Variants in ROCK2 observed in about 807,000 individuals in gnomAD.
The protein encoded by ROCK2 is rho-associated protein kinase 2.
In ROCK2, 61 loss-of-function variants were observed where a neutral mutation model predicts 195.1. The ratio of observed to expected loss-of-function variants is 0.31; its 90% CI spans 0.25 to 0.39. The LOEUF (loss-of-function observed/expected upper bound fraction) is 0.39. Ranked by LOEUF, ROCK2 falls within the 10% of genes least tolerant of loss-of-function variation. The probability of loss-of-function intolerance (pLI) is 1.00; values close to 1 mark genes in which losing one functional copy is unlikely to be tolerated. For missense variants in ROCK2, 1,109 were observed against 1,637.4 expected, an observed-to-expected ratio of 0.68 and a Z score of 5.57; for synonymous variants, 504 against 545.5, an observed-to-expected ratio of 0.92 and a Z score of 1.06.
chr2:11,290,339 C>G (rs1667322166), intron 1 of ROCK2, among the ~76,000 whole-genome samples: 2 of 152,076 alleles, frequency 1.3e-5, no homozygotes. Flanking sequence ...TGGCACACCC[C>G]TGTAATCCCA....
intron 3 of ROCK2, among the ~76,000 whole-genome samples, chr2:11,276,702 A>G (rs1355130459): frequency 1.3e-5 from 2 of 152,214 alleles, no homozygotes; most frequent in African/African-American, 4.8e-5. Flanking sequence ...CATGTTCTTA[A>G]CTGATCTAAC....
Position 11,236,409 on chromosome 2 carries a change from G to A in ROCK2, c.463-447C>T, listed in dbSNP as rs544016457. 2.6e-4 allele frequency among the ~76,000 whole-genome samples: 40 copies of A among 152,090 alleles called. No individual in the cohort carries two copies. The South Asian group carries it at 7.5e-3, about 28-fold the overall frequency. ...AAAATCTAGAGATACTAGATTCAAC[G>A]GACACAAGAAGAGGGAATAAGCCCC... On this transcript the variant is annotated intron_variant, in intron 4 of 32. Coordinates refer to ENST00000315872, the MANE Select transcript of ROCK2 (RefSeq NM_004850.5).
rs755463270 is a variant in ROCK2, at chr2:11,197,218, C to T, written c.3410G>A (p.Ser1137Asn). 1.9e-6 allele frequency: 3 copies of T among 1,611,144 alleles called. No individual in the cohort carries two copies. Among genetic ancestry groups the T allele is most frequent in the Non-Finnish European group, 2.5e-6 (3 of 1,179,070 alleles). ...ATCTGCCTCAGCATCCCCTGGTCCACTGCCTATACTGGAACTATCCAGACC... is the reference window on the plus strand; with the variant it reads ...ATCTGCCTCAGCATCCCCTGGTCCATTGCCTATACTGGAACTATCCAGACC... ...HIGLDSSSIGSGPGDAEADDG... is the reference protein window; with the variant it reads ...HIGLDSSSIGNGPGDAEADDG... The change falls in exon 27 of 33, where the codon AGT becomes AAT. Residue 1137 changes from serine (S) to asparagine (N), a missense_variant. Physicochemically the swap from Ser to Asn is conservative, Grantham distance 46. Around this residue, in one of 6 missense-constraint regions of ROCK2, gnomAD observed 221 missense variants for 355.1 expected, o/e 0.62. Coordinates refer to ENST00000315872, the MANE Select transcript of ROCK2 (RefSeq NM_004850.5). The surrounding 1 kb of genome is among the most constrained non-coding windows in gnomAD (Gnocchi z 4.9).
chr2:11,266,388 C>T (rs1346798867), intron 3 of ROCK2, among the ~76,000 whole-genome samples: 1 of 152,180 alleles, frequency 6.6e-6, no homozygotes, highest in Non-Finnish European at 1.5e-5. Flanking sequence ...CCATTATAGT[C>T]TTTGGGGACC....
chr2:11,315,514 A>C (rs1668164620), intron 1 of ROCK2, among the ~76,000 whole-genome samples: 2 of 152,090 alleles, frequency 1.3e-5, no homozygotes, highest in Admixed American at 1.3e-4. Context: ...TATAAGTTTT[A>C]ATTGTTTACT....
At chr2:11,214,602 T>A in intron 16 of ROCK2, 139 bp from the exon 17 acceptor site, 1 of 655,926 alleles carries the variant, frequency 1.5e-6, no homozygotes, top group South Asian at 2.1e-5. Context: ...GGTATTGTGC[T>A]TTATAGTTAA....
At chr2:11,215,483 G>T in intron 14 of ROCK2, 27 bp downstream of exon 14, 1 of 1,606,674 alleles carries the variant, frequency 6.2e-7, no homozygotes. Context: ...TTTTCTTGAT[G>T]AGTAATTAAT....
chr2:11,285,580 C>G (rs1374116189), intron 3 of ROCK2, among the ~76,000 whole-genome samples: 2 of 152,100 alleles, frequency 1.3e-5, no homozygotes, highest in Admixed American at 1.3e-4. Context: ...GTACTCCCAG[C>G]ACTCTGGGAG....
intron 3 of ROCK2, among the ~76,000 whole-genome samples, chr2:11,277,653 C>T (rs970873023): frequency 9.2e-5 from 14 of 152,102 alleles, no homozygotes; most frequent in African/African-American, 2.4e-4. Context: ...CTATGAATGC[C>T]GTTAATTCAT....
chr2:11,275,519 A>G (rs1666793132), intron 3 of ROCK2, among the ~76,000 whole-genome samples: 1 of 152,164 alleles, frequency 6.6e-6, no homozygotes, highest in African/African-American at 2.4e-5. Context: ...AACTGAAATC[A>G]GCAGTATATT....
intron 3 of ROCK2, among the ~76,000 whole-genome samples, chr2:11,269,071 T>C (rs576831431): frequency 6.6e-6 from 1 of 152,338 alleles, no homozygotes; most frequent in African/African-American, 2.4e-5. Flanking sequence ...TTTCAGTTAT[T>C]GTACTTTTCA....
intron 6 of ROCK2, among the ~76,000 whole-genome samples, chr2:11,225,780 G>C (rs917691259): frequency 2.0e-4 from 30 of 152,196 alleles, no homozygotes; most frequent in Non-Finnish European, 1.2e-4. Flanking sequence ...ACCTAGGCCA[G>C]AGATGGGAGA....
chr2:11,276,213 T>C (rs1055527861), intron 3 of ROCK2, among the ~76,000 whole-genome samples: 2 of 152,176 alleles, frequency 1.3e-5, no homozygotes, highest in Non-Finnish European at 2.9e-5. Context: ...GCCAGAGAAA[T>C]TAGATAATAA....
chr2:11,301,717 G>A (rs1485202970), intron 1 of ROCK2, among the ~76,000 whole-genome samples: 2 of 148,756 alleles, frequency 1.3e-5, no homozygotes, highest in Non-Finnish European at 3.0e-5. Flanking sequence ...GGTAGAGGTT[G>A]CAGTGGGCCA....
Position 11,192,097 on chromosome 2 carries a change from A to T in ROCK2, c.4163+51T>A. On this transcript the variant is annotated intron_variant, in intron 32 of 32. Coordinates refer to ENST00000315872, the MANE Select transcript of ROCK2 (RefSeq NM_004850.5). This position sits in a 1 kb window ranked among gnomAD's most constrained non-coding sequence, Gnocchi z 5.0. Reference sequence around the variant, plus strand: ...ATTTGTAGTTTGAACATAAATAGCAAAATATTTTAATAGACTTTTTTTTTT... The same window carrying T: ...ATTTGTAGTTTGAACATAAATAGCATAATATTTTAATAGACTTTTTTTTTT... 7.4e-7 allele frequency: 1 copy of T among 1,353,400 alleles called. No individual in the cohort carries two copies. Among genetic ancestry groups the T allele is most frequent in the Middle Eastern group, 2.3e-4 (1 of 4,382 alleles). The allele number at this position is 1,353,400 out of a possible 1,614,324, so 83.8% of individuals were successfully genotyped here. A position where few individuals can be genotyped will look rare whatever the true frequency, so the allele number is the denominator to read the frequency against.
intron 32 of ROCK2, among the ~76,000 whole-genome samples, chr2:11,185,744 TAAATAA>T (rs1360048462): frequency 6.7e-6 from 1 of 149,058 alleles, no homozygotes; most frequent in South Asian, 2.2e-4. Flanking sequence ...AATTAATAAA[TAAATAA>T]AAATAAAAAT....
rs1393634301 is a variant in ROCK2 at position 11,235,348 on chromosome 2, G to T, written c.723+354C>A. 1.3e-5 allele frequency among the ~76,000 whole-genome samples: 2 copies of T among 152,070 alleles called. No individual in the cohort carries two copies. The highest frequency in any genetic ancestry group is 2.9e-5 in the Non-Finnish European group (2 of 67,982). ...AAGAAAAAAATGCAGAAGTAACAAT[G>T]GTGGTGAAAATACCTATTTACCTTA... On this transcript the variant is annotated intron_variant, in intron 5 of 32. Coordinates refer to ENST00000315872, the MANE Select transcript of ROCK2 (RefSeq NM_004850.5). This position sits in a 1 kb window ranked among gnomAD's most constrained non-coding sequence, Gnocchi z 4.2.
At chr2:11,306,457 AT>A in intron 1 of ROCK2, among the ~76,000 whole-genome samples, 1 of 152,292 alleles carries the variant, frequency 6.6e-6, no homozygotes, top group East Asian at 1.9e-4. Context: ...CAATTAAATT[AT>A]TATCTAGCTC....
At chr2:11,264,250 T>C (rs373437668) in intron 3 of ROCK2, among the ~76,000 whole-genome samples, 19 of 152,138 alleles carry the variant, frequency 1.2e-4, no homozygotes, top group South Asian at 8.3e-4. Flanking sequence ...AAGTGGAAAA[T>C]AGAATGCAAA....
Sources: gnomAD v4.1 joint callset for allele counts (sites outside exome capture counted in the v4.1 genomes callset) on GRCh38, gnomAD v4.1.1 for gene constraint, gnomAD v4.1.1 regional missense constraint, Gnocchi (gnomAD v3.1) non-coding constraint, MANE v1.5 for transcripts, NCBI Gene and HGNC (gene_info 2026-07-23, HGNC 2026-07-21) for gene names.